ST6GALNAC5: variants seen among roughly 807,000 people sequenced by gnomAD.
ST6GALNAC5 encodes the protein ST6 N-acetylgalactosaminide alpha-2,6-sialyltransferase 5, also known as alpha-N-acetylgalactosaminide alpha-2,6-sialyltransferase 5.
ST6GALNAC5 carries 27 observed loss-of-function variants against 33.6 expected under a neutral mutation model. The observed-to-expected ratio is 0.80, with a 90% confidence interval of 0.59 to 1.11. The LOEUF (loss-of-function observed/expected upper bound fraction) is 1.11, where lower values mean the gene tolerates loss of function less well. ST6GALNAC5 is among the 50% of genes least tolerant of loss of function. The pLI, the probability that ST6GALNAC5 is intolerant of heterozygous loss-of-function variation, is 0.00. For missense variants in ST6GALNAC5, 428 were observed against 454.0 expected, an observed-to-expected ratio of 0.94 and a Z score of 0.52; for synonymous variants, 194 against 171.2, an observed-to-expected ratio of 1.13 and a Z score of -1.04.
chr1:76,957,327 C>G (rs1311716497), intron 2 of ST6GALNAC5, among the ~76,000 whole-genome samples: 1 of 152,198 alleles, frequency 6.6e-6, no homozygotes, highest in Non-Finnish European at 1.5e-5. Flanking sequence ...TTTGACATCA[C>G]ATGGCACTTG....
At chr1:76,885,680 T>A (rs1355819634) in intron 2 of ST6GALNAC5, among the ~76,000 whole-genome samples, 2 of 152,218 alleles carry the variant, frequency 1.3e-5, no homozygotes, top group African/African-American at 4.8e-5. Flanking sequence ...TACGCTAAAT[T>A]ATCCATTTAC....
intron 2 of ST6GALNAC5, among the ~76,000 whole-genome samples, chr1:76,898,690 G>A (rs1180312968): frequency 6.6e-6 from 1 of 152,158 alleles, no homozygotes; most frequent in Non-Finnish European, 1.5e-5. Flanking sequence ...TATGCCTTTA[G>A]CTTCAGCCAC....
At chr1:77,044,668 G>T in intron 3 of ST6GALNAC5, 55 bp downstream of exon 3, 2 of 1,505,936 alleles carry the variant, frequency 1.3e-6, no homozygotes. Context: ...GTCATCACTG[G>T]CTGACTCACC....
intron 2 of ST6GALNAC5, among the ~76,000 whole-genome samples, chr1:76,962,600 G>T (rs1440722693): frequency 6.6e-6 from 1 of 152,172 alleles, no homozygotes. Context: ...AGGTATTAAA[G>T]TTGCTATGTG....
rs148511636 is a variant in ST6GALNAC5 at position 76,994,895 on chromosome 1, T to G, written c.262-49309T>G. 4.1e-3 allele frequency among the ~76,000 whole-genome samples: 632 copies of G among 152,332 alleles called. 3 individuals carry two copies. Among genetic ancestry groups the G allele is most frequent in the Non-Finnish European group, 7.1e-3 (486 of 68,024 alleles). ...GACTAGAGACCTAAGGAGACTAGTT[T>G]CTTGTCTATCCGGGCTCAAACACCA... On this transcript the variant is annotated intron_variant, in intron 2 of 4. Transcript: ENST00000477717.
intron 2 of ST6GALNAC5, among the ~76,000 whole-genome samples, chr1:76,895,982 T>A (rs4572014): frequency 0.5 from 75,356 of 151,994 alleles, 19,330 homozygotes; most frequent in African/African-American, 0.62. Context: ...GAGCTTGGTG[T>A]GGTGTGTTTT....
intron 2 of ST6GALNAC5, among the ~76,000 whole-genome samples, chr1:76,985,242 A>G (rs1649440213): frequency 6.6e-6 from 1 of 152,188 alleles, no homozygotes; most frequent in South Asian, 2.1e-4. Flanking sequence ...TTTGAAGATG[A>G]CATGATTGTA....
At chr1:76,979,617 A>G (rs1473336259) in intron 2 of ST6GALNAC5, among the ~76,000 whole-genome samples, 2 of 152,202 alleles carry the variant, frequency 1.3e-5, no homozygotes, top group African/African-American at 4.8e-5. Flanking sequence ...ATATGCAAAA[A>G]TCAACTCAAA....
At chr1:77,018,148 C>T (rs1650919393) in intron 2 of ST6GALNAC5, among the ~76,000 whole-genome samples, 2 of 152,086 alleles carry the variant, frequency 1.3e-5, no homozygotes, top group South Asian at 4.1e-4. Context: ...CAGGGGTTCA[C>T]AAAATAAAGA....
In ST6GALNAC5 at chr1:76,932,269, G is replaced by A. The variant is rs56140565; in HGVS notation, c.261+63527G>A. ...AGTAATTGTTAAAGTGAGGTCCGGG[G>A]GTTGAGAGGGAATATGCCGAGTGGC... On this transcript the variant is annotated intron_variant, in intron 2 of 4. Transcript: ENST00000477717. Among the ~76,000 whole-genome samples the A allele has an allele frequency of 2.8e-3, 421 of 152,232 alleles. 2 individuals carry two copies. The highest frequency in any genetic ancestry group is 9.9e-3 in the African/African-American group (412 of 41,554).
At chr1:76,961,954 G>A (rs1325368021) in intron 2 of ST6GALNAC5, among the ~76,000 whole-genome samples, 1 of 152,134 alleles carries the variant, frequency 6.6e-6, no homozygotes, top group Non-Finnish European at 1.5e-5. Context: ...AATAAAGACT[G>A]GCCCACAGAA....
In ST6GALNAC5 at chr1:76,895,269, A is replaced by G. The variant is rs567168766; in HGVS notation, c.261+26527A>G. 9.2e-5 allele frequency among the ~76,000 whole-genome samples: 14 copies of G among 151,642 alleles called. No individual in the cohort carries two copies. In the East Asian group the frequency reaches 2.7e-3, roughly 30 times the overall value. ...GAAAAATAAAATGAAATAGTGGTAA[A>G]GTGTTGGGGTGGTGAAAATTTTGGG... On this transcript the variant is annotated intron_variant, in intron 2 of 4. Coordinates refer to ENST00000477717, the MANE Select transcript of ST6GALNAC5 (RefSeq NM_030965.3).
At chr1:76,917,089 C>G (rs952359677) in intron 2 of ST6GALNAC5, among the ~76,000 whole-genome samples, 1 of 152,158 alleles carries the variant, frequency 6.6e-6, no homozygotes, top group African/African-American at 2.4e-5. Context: ...AGCTCCACCT[C>G]CTTCAACTAT....
intron 2 of ST6GALNAC5, among the ~76,000 whole-genome samples, chr1:76,954,481 G>A (rs1477470919): frequency 1.3e-5 from 2 of 152,002 alleles, no homozygotes; most frequent in South Asian, 2.1e-4. Context: ...CATGGCACAC[G>A]TTTACCTGTG....
At chr1:76,904,046 G>A (rs1364744067) in intron 2 of ST6GALNAC5, among the ~76,000 whole-genome samples, 2 of 152,178 alleles carry the variant, frequency 1.3e-5, no homozygotes. Context: ...TCACATAGCT[G>A]TGAATTTTAT....
At chr1:76,984,868 A>C (rs1177199299) in intron 2 of ST6GALNAC5, among the ~76,000 whole-genome samples, 1 of 152,216 alleles carries the variant, frequency 6.6e-6, no homozygotes, top group African/African-American at 2.4e-5. Context: ...AACATACACA[A>C]ATCAATAAAT....
intron 2 of ST6GALNAC5, among the ~76,000 whole-genome samples, chr1:77,043,647 T>C (rs965187432): frequency 3.3e-5 from 5 of 152,230 alleles, no homozygotes; most frequent in Admixed American, 2.6e-4. Context: ...GTGTATTTGG[T>C]ACAAACATAT....
chr1:77,039,765 C>T (rs550912716), intron 2 of ST6GALNAC5, among the ~76,000 whole-genome samples: 1 of 152,276 alleles, frequency 6.6e-6, no homozygotes, highest in African/African-American at 2.4e-5. Flanking sequence ...GGAAAATGTT[C>T]CAAAGAATCG....
At chr1:76,945,008 G>A (rs1434474569) in intron 2 of ST6GALNAC5, among the ~76,000 whole-genome samples, 1 of 152,108 alleles carries the variant, frequency 6.6e-6, no homozygotes, top group Admixed American at 6.6e-5. Flanking sequence ...CTGGAGCCTG[G>A]CCCAAAGAAG....
Sources: gnomAD v4.1 joint callset for allele counts (sites outside exome capture counted in the v4.1 genomes callset) on GRCh38, gnomAD v4.1.1 for gene constraint, MANE v1.5 for transcripts, NCBI Gene and HGNC (gene_info 2026-07-23, HGNC 2026-07-21) for gene names.